RERE: variants seen among roughly 807,000 people sequenced by gnomAD.
The protein encoded by RERE is arginine-glutamic acid dipeptide repeats protein.
RERE carries 40 observed loss-of-function variants against 146.1 expected under a neutral mutation model. The ratio of observed to expected loss-of-function variants is 0.27; its 90% CI spans 0.21 to 0.36. The LOEUF is 0.36. Among genes scored for constraint, RERE ranks in the 10% least tolerant of loss-of-function variants. The pLI is 1.00. For synonymous variants in RERE, 1,003 were observed against 866.0 expected, an observed-to-expected ratio of 1.16 and a Z score of -2.78; for missense variants, 1,933 against 2,138.7, an observed-to-expected ratio of 0.90 and a Z score of 1.90.
At chr1:8,499,429 AG>A (rs1645099095) in intron 8 of RERE, among the ~76,000 whole-genome samples, 1 of 152,254 alleles carries the variant, frequency 6.6e-6, no homozygotes, top group Non-Finnish European at 1.5e-5. Context: ...GAAGAACTCA[AG>A]AGTGAAGTGG....
intron 4 of RERE, chr1:8,590,944 G>A (rs1646485097): frequency 6.6e-6 from 1 of 152,228 alleles, no homozygotes; most frequent in African/African-American, 2.4e-5. Flanking sequence ...AGTAGAAAGA[G>A]TCTGCAAACT....
chr1:8,701,451 C>T (rs534968034), intron 1 of RERE, among the ~76,000 whole-genome samples: 1 of 152,298 alleles, frequency 6.6e-6, no homozygotes, highest in African/African-American at 2.4e-5. Context: ...TACGTCAGCT[C>T]TTGCCTCAAT....
intron 12 of RERE, among the ~76,000 whole-genome samples, chr1:8,419,497 G>T (rs1040862102): frequency 3.9e-5 from 6 of 152,158 alleles, no homozygotes; most frequent in African/African-American, 1.4e-4. Context: ...ACTAGTTGCT[G>T]CCCTCCAAGT....
intron 11 of RERE, among the ~76,000 whole-genome samples, chr1:8,439,229 T>C (rs966422235): frequency 1.3e-5 from 2 of 152,220 alleles, no homozygotes; most frequent in Non-Finnish European, 1.5e-5. Flanking sequence ...CACTACATGA[T>C]TGTAAAATCA....
intron 6 of RERE, among the ~76,000 whole-genome samples, chr1:8,545,365 G>A (rs1185082738): frequency 3.9e-5 from 6 of 152,308 alleles, no homozygotes; most frequent in East Asian, 1.9e-4. Context: ...GGCATCATCC[G>A]AAGGGTCTTC....
chr1:8,508,093 G>T (rs1645281308), intron 8 of RERE, among the ~76,000 whole-genome samples: 1 of 152,164 alleles, frequency 6.6e-6, no homozygotes, highest in African/African-American at 2.4e-5. Context: ...TGGATGAATA[G>T]ATAAACAGTG....
intron 2 of RERE, among the ~76,000 whole-genome samples, chr1:8,625,824 T>C (rs1646967510): frequency 6.6e-6 from 1 of 152,184 alleles, no homozygotes; most frequent in Non-Finnish European, 1.5e-5. Flanking sequence ...AATGAGTACA[T>C]TCCAAGAAAC....
intron 1 of RERE, among the ~76,000 whole-genome samples, chr1:8,691,209 C>T (rs6658881): frequency 0.83 from 125,945 of 152,196 alleles, 52,326 homozygotes; most frequent in East Asian, 0.94. Context: ...CAAAATTTTA[C>T]AAGCAAATGG....
At chr1:8,809,060 C>T (rs929275330) in intron 1 of RERE, among the ~76,000 whole-genome samples, 5 of 150,480 alleles carry the variant, frequency 3.3e-5, no homozygotes, top group Admixed American at 6.6e-5. Context: ...ATGGTGTGAA[C>T]CCGGGAGGCA....
rs547673132 is a variant in RERE, at chr1:8,380,972, A to G, written c.1285-14998T>C. 7.6e-4 allele frequency: 347 copies of G among 456,566 alleles called. 2 individuals are homozygous for G. The highest frequency in any genetic ancestry group is 1.3e-3 in the Non-Finnish European group (296 of 226,918). The allele number at this position is 456,566 out of a possible 1,614,324, so 28.3% of individuals were successfully genotyped here. On this transcript the variant is annotated intron_variant, in intron 12 of 22. Coordinates refer to ENST00000400908, the MANE Select transcript of RERE (RefSeq NM_001042681.2). Reference sequence around the variant, plus strand: ...GTCCTTCCCTGGGTAAAAGGGACCAATGGTTTTTCCCACATGTCCTGCCTC... The same window carrying G: ...GTCCTTCCCTGGGTAAAAGGGACCAGTGGTTTTTCCCACATGTCCTGCCTC...
Position 8,360,613 on chromosome 1 carries a change from G to A in RERE, c.2894C>T (p.Pro965Leu). 6.6e-7 allele frequency: 1 copy of A among 1,513,498 alleles called. No individual in the cohort carries two copies. Among genetic ancestry groups the A allele is most frequent in the Non-Finnish European group, 8.8e-7 (1 of 1,132,940 alleles). 93.8% of individuals were successfully genotyped at this position (1,513,498 alleles called of 1,614,324 possible). Residue 965 changes from proline to leucine, a missense_variant, in exon 18 of 23, where the codon CCC becomes CTC. Transcript: ENST00000400908. Reference sequence around the variant, plus strand: ...GCTCAGGGGCTTCAGGGCTGGAGGGGGAGGCAGGTTGGCATTCATGGAGAA... The same window carrying A: ...GCTCAGGGGCTTCAGGGCTGGAGGGAGAGGCAGGTTGGCATTCATGGAGAA... ...SPFSMNANLPPPPALKPLSSL... is the reference protein window; with the variant it reads ...SPFSMNANLPLPPALKPLSSL...
chr1:8,509,710 G>A (rs866171042), intron 7 of RERE, among the ~76,000 whole-genome samples: 3 of 152,132 alleles, frequency 2.0e-5, no homozygotes, highest in African/African-American at 7.2e-5. Flanking sequence ...CAAGAGGATC[G>A]CTTGAGCTGG....
intron 4 of RERE, among the ~76,000 whole-genome samples, chr1:8,574,433 C>T (rs1286046410): frequency 6.6e-6 from 1 of 150,722 alleles, no homozygotes; most frequent in Non-Finnish European, 1.5e-5. Flanking sequence ...CAAGCTCCGC[C>T]TCTCGGGTTC....
At chr1:8,438,488 G>T (rs1053655981) in intron 11 of RERE, among the ~76,000 whole-genome samples, 4 of 152,194 alleles carry the variant, frequency 2.6e-5, no homozygotes, top group African/African-American at 9.6e-5. Context: ...GGAACAGAAG[G>T]TATAGGGATT....
At chr1:8,535,574 T>A (rs1337718079) in intron 7 of RERE, among the ~76,000 whole-genome samples, 1 of 152,192 alleles carries the variant, frequency 6.6e-6, no homozygotes, top group Admixed American at 6.5e-5. Flanking sequence ...CAAAATAAAA[T>A]GCACACAGTA....
At chr1:8,598,653 T>C (rs1318218) in intron 4 of RERE, among the ~76,000 whole-genome samples, 90,524 of 152,024 alleles carry the variant, frequency 0.6, 27,501 homozygotes, top group East Asian at 0.83. Context: ...CTCTGTCTCT[T>C]TCTGTCCTTT....
chr1:8,509,399 G>GCCATCCATCCAT (rs755830199), intron 7 of RERE, among the ~76,000 whole-genome samples: 29 of 137,346 alleles, frequency 2.1e-4, no homozygotes, highest in African/African-American at 7.0e-4. Context: ...CATATACTGA[G>GCCATCCATCCAT]CCATCCATCC....
In RERE at chr1:8,383,751, T is replaced by C. The variant is rs142263919; in HGVS notation, c.1285-17777A>G. On this transcript the variant is annotated intron_variant, in intron 12 of 22. Coordinates refer to ENST00000400908, the MANE Select transcript of RERE (RefSeq NM_001042681.2). ...GCACGCACCTGTACTCCCAGCTACT[T>C]AGGAGGCTGAGGCAGGAGAATCGCT... 8.4e-3 allele frequency among the ~76,000 whole-genome samples: 1,273 copies of C among 151,974 alleles called. 14 individuals carry two copies. The highest frequency in any genetic ancestry group is 0.029 in the African/African-American group (1,216 of 41,442).
At chr1:8,432,077 C>A (rs949699512) in intron 11 of RERE, among the ~76,000 whole-genome samples, 1 of 147,614 alleles carries the variant, frequency 6.8e-6, no homozygotes, top group Non-Finnish European at 1.5e-5. Context: ...CCACACCCCT[C>A]CCCCCAACAT....
Sources: allele counts gnomAD v4.1 joint callset (sites outside exome capture counted in the v4.1 genomes callset), GRCh38; gene constraint gnomAD v4.1.1; transcripts MANE v1.5; gene names NCBI Gene and HGNC (gene_info 2026-07-23, HGNC 2026-07-21).